CEP131: variants seen among roughly 807,000 people sequenced by gnomAD.
CEP131 encodes the protein centrosomal protein 131, also known as centrosomal protein of 131 kDa.
In CEP131, 99 loss-of-function variants were observed where a neutral mutation model predicts 136.8. The ratio of observed to expected loss-of-function variants is 0.72; its 90% CI spans 0.62 to 0.86. The LOEUF is 0.86. Among genes scored for constraint, CEP131 ranks in the 40% least tolerant of loss-of-function variants. The probability of loss-of-function intolerance (pLI) is 0.00; values close to 1 mark genes in which losing one functional copy is unlikely to be tolerated. For missense variants in CEP131, 1,459 were observed against 1,463.0 expected, an observed-to-expected ratio of 1.00 and a Z score of 0.04; for synonymous variants, 646 against 612.7, an observed-to-expected ratio of 1.05 and a Z score of -0.80.
intron 5 of CEP131, among the ~76,000 whole-genome samples, chr17:81,204,403 C>T (rs978105038): frequency 5.3e-5 from 8 of 152,070 alleles, no homozygotes; most frequent in Non-Finnish European, 7.4e-5. Context: ...AACCCTGGGG[C>T]GGGCTGGGGG....
In CEP131 at chr17:81,219,357, G is replaced by C. The variant is rs1332864384; in HGVS notation, c.177+523C>G. Among the ~76,000 whole-genome samples the C allele has an allele frequency of 6.9e-6, 1 of 145,796 alleles. No individual in the cohort carries two copies. Among genetic ancestry groups the C allele is most frequent in the African/African-American group, 2.5e-5 (1 of 39,254 alleles). ...TCGCCAGGCTGGAGTGCAACGGCAC[G>C]ATCTCGGCTCACCGCAACCTCTGCC... is the stretch of plus-strand genomic sequence containing the variant. On this transcript the variant is annotated intron_variant, in intron 2 of 25. Coordinates refer to ENST00000450824, the MANE Select transcript of CEP131 (RefSeq NM_014984.4). The surrounding 1 kb of genome is among the most constrained non-coding windows in gnomAD (Gnocchi z 4.0).
chr17:81,208,344 T>TCGGGGACAATGCCTGGTGGGAGGTG lies in CEP131; in HGVS notation c.272+559_272+583dup, dbSNP rs1214890102. 6.6e-6 allele frequency among the ~76,000 whole-genome samples: 1 copy of TCGGGGACAATGCCTGGTGGGAGGTG among 152,166 alleles called. No individual in the cohort carries two copies. Among genetic ancestry groups the TCGGGGACAATGCCTGGTGGGAGGTG allele is most frequent in the African/African-American group, 2.4e-5 (1 of 41,438 alleles). On this transcript the variant is annotated intron_variant, in intron 3 of 25. Transcript: ENST00000450824. The surrounding 1 kb of genome is among the most constrained non-coding windows in gnomAD (Gnocchi z 5.6). ...GGCCCCACAGGAGCACCCTGCTCGC[T>TCGGGGACAATGCCTGGTGGGAGGTG]CGGGGACAATGCCTGGTGGGAGGTG...
chr17:81,214,855 T>C lies in CEP131; in HGVS notation c.177+5025A>G, dbSNP rs190623272. ...TGGCGCGATCTCGGCTCACTGCAAG[T>C]TCCGCCTCCTGGGTTCACGCCATTC... On this transcript the variant is annotated intron_variant, in intron 2 of 25. Coordinates refer to ENST00000450824, the MANE Select transcript of CEP131 (RefSeq NM_014984.4). Among the ~76,000 whole-genome samples, 847 of 151,770 alleles carry C rather than the reference T, an allele frequency of 5.6e-3. 11 individuals carry two copies. The highest frequency in any genetic ancestry group is 0.019 in the African/African-American group (797 of 41,410).
chr17:81,200,217 G>A (rs1383329431), intron 8 of CEP131, 112 bp downstream of exon 8: 2 of 832,168 alleles, frequency 2.4e-6, no homozygotes, highest in Non-Finnish European at 3.8e-6. Context: ...CAGAGACGGG[G>A]CCCACGAGCA....
chr17:81,222,469 G>C (rs2062408827), intron 1 of CEP131, among the ~76,000 whole-genome samples: 1 of 152,238 alleles, frequency 6.6e-6, no homozygotes, highest in African/African-American at 2.4e-5. Context: ...GACCGGAGGG[G>C]AGTGGAGGGA....
chr17:81,217,343 T>G (rs1445600199), intron 2 of CEP131, among the ~76,000 whole-genome samples: 2 of 149,256 alleles, frequency 1.3e-5, no homozygotes, highest in Non-Finnish European at 3.0e-5. Flanking sequence ...AGGGGTAGAG[T>G]GGAAACCCCA....
Position 81,203,544 on chromosome 17 carries a change from C to T in CEP131, c.579G>A (p.Ser193=), listed in dbSNP as rs758196590. 5 of 1,608,964 alleles carry T rather than the reference C, an allele frequency of 3.1e-6. No homozygotes were observed. Among genetic ancestry groups the T allele is most frequent in the East Asian group, 4.5e-5 (2 of 44,790 alleles). The change falls in exon 6 of 26, where the codon TCG becomes TCA. Residue 193 remains serine (S), a synonymous_variant. Coordinates refer to ENST00000450824, the MANE Select transcript of CEP131 (RefSeq NM_014984.4). The surrounding 1 kb of genome is among the most constrained non-coding windows in gnomAD (Gnocchi z 4.6). ...TTMVHNRYTP[S]ERAPPLKSSN... is the part of the protein sequence containing the mutation. ...AGCTCTTGAGCGGAGGCGCCCTCTC[C>T]GAGGGGGTGTAGCGGTTGTGCACCA...
At chr17:81,201,891 G>A (rs2061898721) in intron 7 of CEP131, among the ~76,000 whole-genome samples, 1 of 152,108 alleles carries the variant, frequency 6.6e-6, no homozygotes, top group African/African-American at 2.4e-5. Flanking sequence ...CACGAGGTCA[G>A]GAGATCGAGA....
intron 3 of CEP131, among the ~76,000 whole-genome samples, 182 bp from the exon 4 acceptor site, chr17:81,207,421 GGC>G (rs1183434122): frequency 2.6e-5 from 4 of 152,140 alleles, no homozygotes; most frequent in African/African-American, 4.8e-5. Flanking sequence ...AGTGGAGCTG[GGC>G]GTTCAGGGTG....
At chr17:81,202,517 C>T in intron 6 of CEP131, 119 bp from the exon 7 acceptor site, 1 of 1,277,802 alleles carries the variant, frequency 7.8e-7, no homozygotes, top group South Asian at 1.5e-5. Flanking sequence ...TGCTGGCAGG[C>T]TGGCAGCCGG....
At chr17:81,218,193 C>T (rs58906566) in intron 2 of CEP131, among the ~76,000 whole-genome samples, 3,367 of 152,270 alleles carry the variant, frequency 0.022, 127 homozygotes, top group African/African-American at 0.076. Context: ...AGGGTGCGCG[C>T]CACCACGCCC....
At position 81,202,336 on chromosome 17, in the gene CEP131, T is replaced by C. The variant is rs766645989; in HGVS notation, c.692A>G (p.Lys231Arg). ...SESSGFGKLP[K>R]NVSSATHSAR... is the part of the protein sequence containing the mutation. ...TGAGTGGGTGGCACTGGAGACATTCTTCGGCAGCTTCCCAAAGCCGCTGCT... is the reference window on the plus strand; with the variant it reads ...TGAGTGGGTGGCACTGGAGACATTCCTCGGCAGCTTCCCAAAGCCGCTGCT... Residue 231 changes from lysine (K) to arginine (R), a missense_variant, in exon 7 of 26, where the codon AAG becomes AGG. Lys to Arg is a conservative substitution (Grantham distance 26). Coordinates refer to ENST00000450824, the MANE Select transcript of CEP131 (RefSeq NM_014984.4). The C allele has an allele frequency of 1.1e-5, 17 of 1,613,710 alleles. No individual in the cohort carries two copies. Among genetic ancestry groups the C allele is most frequent in the Non-Finnish European group, 1.4e-5 (17 of 1,179,924 alleles).
intron 2 of CEP131, among the ~76,000 whole-genome samples, chr17:81,217,462 T>A (rs1434934550): frequency 6.6e-6 from 1 of 151,446 alleles, no homozygotes; most frequent in South Asian, 2.1e-4. Context: ...TGTGAAGCCA[T>A]GCCTGGCCAA....
At chr17:81,191,381 C>G in intron 21 of CEP131, 46 bp from the exon 22 acceptor site, 1 of 1,608,344 alleles carries the variant, frequency 6.2e-7, no homozygotes, top group Non-Finnish European at 8.5e-7. Flanking sequence ...GGAGCCGGCC[C>G]GCGGGGCCAG....
At position 81,215,241 on chromosome 17, in the gene CEP131, T is replaced by C. The variant is rs2062220866; in HGVS notation, c.177+4639A>G. On this transcript the variant is annotated intron_variant, in intron 2 of 25. Coordinates refer to ENST00000450824, the MANE Select transcript of CEP131 (RefSeq NM_014984.4). The surrounding 1 kb of genome is among the most constrained non-coding windows in gnomAD (Gnocchi z 4.1). ...TCCCATGTAGCTGGGACTACAGGCA[T>C]GCACCACCACACTCGGCTAATTTTT... Among the ~76,000 whole-genome samples the C allele has an allele frequency of 1.3e-5, 2 of 151,978 alleles. No homozygotes were observed. Among genetic ancestry groups the C allele is most frequent in the African/African-American group, 4.8e-5 (2 of 41,382 alleles).
At chr17:81,197,598 C>T (rs2061789920) in intron 13 of CEP131, 114 bp downstream of exon 13, 7 of 1,432,594 alleles carry the variant, frequency 4.9e-6, no homozygotes, top group South Asian at 1.5e-5. Flanking sequence ...GAGACCTCCT[C>T]CCCCTGGGGG....
intron 17 of CEP131, 91 bp from the exon 18 acceptor site, chr17:81,194,218 G>A: frequency 7.9e-7 from 1 of 1,265,308 alleles, no homozygotes; most frequent in Non-Finnish European, 1.1e-6. Context: ...CTCAGGCCCA[G>A]AGGGGACCCC....
intron 6 of CEP131, 40 bp from the exon 7 acceptor site, chr17:81,202,438 G>T: frequency 6.3e-7 from 1 of 1,596,716 alleles, no homozygotes; most frequent in South Asian, 1.1e-5. Context: ...TCACCGCCCA[G>T]GGGAACAGCT....
Position 81,214,390 on chromosome 17 carries a change from T to C in CEP131, c.178-5368A>G, listed in dbSNP as rs867612826. Among the ~76,000 whole-genome samples the C allele has an allele frequency of 1.4e-4, 21 of 152,174 alleles. No individual in the cohort carries two copies. In the South Asian group the frequency reaches 3.9e-3, roughly 29 times the overall value. On this transcript the variant is annotated intron_variant, in intron 2 of 25. Transcript: ENST00000450824. ...GGCCAACATGGTGAAATCCTGTCTC[T>C]ACTAAAAATACAAAACTTAGCCCGG...
Sources: allele counts gnomAD v4.1 joint callset (sites outside exome capture counted in the v4.1 genomes callset), GRCh38; gene constraint gnomAD v4.1.1; non-coding constraint Gnocchi (gnomAD v3.1); transcripts MANE v1.5; gene names NCBI Gene and HGNC (gene_info 2026-07-23, HGNC 2026-07-21).